GBF1: variants seen among roughly 807,000 people sequenced by gnomAD.
GBF1 encodes the protein Golgi-specific brefeldin A-resistance guanine nucleotide exchange factor 1.
GBF1 carries 114 observed loss-of-function variants against 210.5 expected under a neutral mutation model. The observed-to-expected ratio is 0.54, with a 90% CI of 0.47 to 0.63. The LOEUF (loss-of-function observed/expected upper bound fraction) is 0.63. GBF1 is among the 30% of genes least tolerant of loss of function. The pLI is 0.00. For synonymous variants in GBF1, 850 were observed against 889.2 expected (o/e 0.96, Z 0.78); for missense variants, 1,851 against 2,357.7 (o/e 0.79, Z 4.45).
chr10:102,251,795 A>T (rs1190540032), intron 1 of GBF1, among the ~76,000 whole-genome samples: 1 of 152,068 alleles, frequency 6.6e-6, no homozygotes, highest in Non-Finnish European at 1.5e-5. Flanking sequence ...GGCTCAACTG[A>T]TGCTCCCTCC....
At chr10:102,326,183 T>A (rs2056882972) in intron 3 of GBF1, among the ~76,000 whole-genome samples, 1 of 152,246 alleles carries the variant, frequency 6.6e-6, no homozygotes, top group Admixed American at 6.5e-5. Flanking sequence ...CAGGGCCTAG[T>A]ATGCAAGTTT....
intron 4 of GBF1, among the ~76,000 whole-genome samples, chr10:102,344,956 C>G (rs1160607518): frequency 6.6e-6 from 1 of 152,018 alleles, no homozygotes; most frequent in African/African-American, 2.4e-5. Context: ...TTATGTTTTT[C>G]TATGTCTTTA....
chr10:102,270,231 G>A (rs1409795478), intron 3 of GBF1, among the ~76,000 whole-genome samples: 6 of 150,852 alleles, frequency 4.0e-5, no homozygotes, highest in East Asian at 3.9e-4. Flanking sequence ...GTGTAGTGGC[G>A]CAATCTTGGC....
chr10:102,344,883 G>T (rs779668254), intron 4 of GBF1, among the ~76,000 whole-genome samples: 1 of 152,190 alleles, frequency 6.6e-6, no homozygotes, highest in African/African-American at 2.4e-5. Flanking sequence ...TGTCCTTCCT[G>T]TACTTTCTCA....
chr10:102,270,260 C>T (rs892599606), intron 3 of GBF1, among the ~76,000 whole-genome samples: 49 of 151,348 alleles, frequency 3.2e-4, no homozygotes, highest in African/African-American at 1.0e-3. Flanking sequence ...ACCTCCGCCT[C>T]CTGGGTTCAA....
chr10:102,370,970 T>A, intron 29 of GBF1, 110 bp downstream of exon 29: 1 of 1,046,772 alleles, frequency 9.6e-7, no homozygotes, highest in Non-Finnish European at 1.4e-6. Flanking sequence ...CCCCATAGCA[T>A]GAGTCCAGTG....
chr10:102,349,135 C>CAAG (rs971687360), intron 4 of GBF1, among the ~76,000 whole-genome samples: 3 of 151,828 alleles, frequency 2.0e-5, no homozygotes, highest in Non-Finnish European at 4.4e-5. Context: ...GGCGATAGAG[C>CAAG]AAGACCCTGT....
In GBF1 at chr10:102,370,495, C is replaced by T. The variant is rs2060144271; in HGVS notation, c.3506+17C>T. 6.3e-7 allele frequency: 1 copy of T among 1,578,066 alleles called. No individual in the cohort carries two copies. The highest frequency in any genetic ancestry group is 8.7e-7 in the Non-Finnish European group (1 of 1,147,044). On this transcript the variant is annotated intron_variant, in intron 28 of 39. Transcript: ENST00000369983. ...GGAGAACAGGTAAGATGAGCGTAGT[C>T]TTTAGGCAGACCCCATGCTGGGCTT...
At chr10:102,360,569 G>A (rs2059538636) in intron 12 of GBF1, among the ~76,000 whole-genome samples, 174 bp downstream of exon 12, 1 of 152,196 alleles carries the variant, frequency 6.6e-6, no homozygotes, top group Non-Finnish European at 1.5e-5. Flanking sequence ...GGCAGCCAGA[G>A]AGAAATATAG....
chr10:102,342,312 C>T (rs1235119683), intron 3 of GBF1, among the ~76,000 whole-genome samples: 1 of 152,032 alleles, frequency 6.6e-6, no homozygotes, highest in Non-Finnish European at 1.5e-5. Context: ...GCTAGGATTA[C>T]AGGCATGAGC....
In GBF1 at chr10:102,375,410, C is replaced by T. The variant is rs745345004; in HGVS notation, c.3712C>T (p.Arg1238Ter). The T allele has an allele frequency of 9.3e-6, 15 of 1,613,650 alleles. No individual in the cohort carries two copies. Among genetic ancestry groups the T allele is most frequent in the Admixed American group, 1.7e-5 (1 of 59,982 alleles). ...LLLMKPSVLS[R>*]VSHQVAYGLH... is the part of the protein sequence containing the mutation. ...ACTGATGAAGCCCAGTGTGCTATCC[C>T]GAGTCAGCCACCAGGTTGCGTATGG... The change falls in exon 30 of 40, where the codon CGA becomes TGA. Residue 1238 changes from arginine to a stop codon, truncating the protein, a stop_gained. Coordinates refer to ENST00000369983, the MANE Select transcript of GBF1 (RefSeq NM_001377137.1). LOFTEE classifies it high-confidence loss of function.
chr10:102,293,764 G>GTT lies in GBF1; in HGVS notation c.163+33651_163+33652dup, dbSNP rs1263151407. On this transcript the variant is annotated intron_variant, in intron 3 of 39. Transcript: ENST00000369983. ...AAAATATTTTGTACAGCTGTAGTATGTTTTGTGTTTTTTTTTTTTTTTTTT... is the reference window on the plus strand; with the variant it reads ...AAAATATTTTGTACAGCTGTAGTATGTTTTTTGTGTTTTTTTTTTTTTTTTTT... Among the ~76,000 whole-genome samples the GTT allele has an allele frequency of 7.5e-4, 38 of 50,896 alleles. 4 individuals are homozygous for GTT. The highest frequency in any genetic ancestry group is 1.4e-3 in the East Asian group (3 of 2,070). The allele number at this position is 50,896 out of a possible 152,430, so 33.4% of individuals were successfully genotyped here. A position where few individuals can be genotyped will look rare whatever the true frequency, so the allele number is the denominator to read the frequency against.
chr10:102,242,968 A>G (rs1218640837), upstream of GBF1, among the ~76,000 whole-genome samples: 1 of 150,736 alleles, frequency 6.6e-6, no homozygotes, highest in Non-Finnish European at 1.5e-5. Flanking sequence ...CAGTCACACA[A>G]TATGCCCCTA....
At chr10:102,358,407 G>A (rs1216436254) in intron 9 of GBF1, 99 bp from the exon 10 acceptor site, 2 of 869,084 alleles carry the variant, frequency 2.3e-6, no homozygotes, top group Admixed American at 2.2e-5. Context: ...GCAAAGATAA[G>A]CATGTAATCT....
At chr10:102,339,403 A>G (rs947611348) in intron 3 of GBF1, among the ~76,000 whole-genome samples, 5 of 150,880 alleles carry the variant, frequency 3.3e-5, no homozygotes, top group African/African-American at 1.2e-4. Context: ...ACAGTGGCTT[A>G]TGCCTGTAAT....
intron 3 of GBF1, among the ~76,000 whole-genome samples, chr10:102,288,726 A>G (rs1301214242): frequency 1.4e-5 from 2 of 146,750 alleles, no homozygotes; most frequent in African/African-American, 4.9e-5. Context: ...TCAAAGGAAA[A>G]AAAAAAAAAC....
chr10:102,263,249 C>T (rs187179917), intron 3 of GBF1, among the ~76,000 whole-genome samples: 108 of 152,236 alleles, frequency 7.1e-4, no homozygotes, highest in African/African-American at 2.5e-3. Flanking sequence ...GTCAGGAGGA[C>T]TGCTTTCCTG....
chr10:102,263,810 AG>A (rs2073525455), intron 3 of GBF1, among the ~76,000 whole-genome samples: 1 of 152,218 alleles, frequency 6.6e-6, no homozygotes, highest in South Asian at 2.1e-4. Context: ...ATTTGAAAAG[AG>A]GGTTGCTCTT....
At chr10:102,274,072 A>G (rs568481523) in intron 3 of GBF1, among the ~76,000 whole-genome samples, 3 of 152,304 alleles carry the variant, frequency 2.0e-5, no homozygotes, top group Non-Finnish European at 4.4e-5. Context: ...ATTACTTACT[A>G]TGTGCCAGGA....
Sources: gnomAD v4.1 joint callset for allele counts (sites outside exome capture counted in the v4.1 genomes callset) on GRCh38, gnomAD v4.1.1 for gene constraint, MANE v1.5 for transcripts, NCBI Gene and HGNC (gene_info 2026-07-23, HGNC 2026-07-21) for gene names.